BCAS3: variants seen among roughly 807,000 people sequenced by gnomAD.
BCAS3 encodes the protein BCAS4/BCAS3 fusion.
Under a neutral mutation model 116.1 loss-of-function variants are expected in BCAS3, and 53 were observed. That is an observed-to-expected ratio of 0.46 (90% CI 0.37 to 0.57). The LOEUF is 0.57. Among genes scored for constraint, BCAS3 ranks in the 20% least tolerant of loss-of-function variants. The pLI is 0.00. For synonymous variants in BCAS3, 391 were observed against 408.2 expected, an observed-to-expected ratio of 0.96 and a Z score of 0.51; for missense variants, 917 against 1,165.4, an observed-to-expected ratio of 0.79 and a Z score of 3.10.
At chr17:61,183,350 G>A (rs1371879130) in intron 22 of BCAS3, among the ~76,000 whole-genome samples, 1 of 151,916 alleles carries the variant, frequency 6.6e-6, no homozygotes, top group Non-Finnish European at 1.5e-5. Context: ...ACTCCATGTT[G>A]TCTCAAATTA....
rs1416549595 is a variant in BCAS3 at position 61,244,160 on chromosome 17, A to G, written c.2426-124167A>G. Among the ~76,000 whole-genome samples the G allele has an allele frequency of 6.6e-6, 1 of 152,218 alleles. No homozygotes were observed. Among genetic ancestry groups the G allele is most frequent in the Non-Finnish European group, 1.5e-5 (1 of 68,034 alleles). ...TTAACTCAAGTAATACATATTTATT[A>G]TTTAAAAAGCTTAAGAAAAAACAGA... On this transcript the variant is annotated intron_variant, in intron 22 of 23. Coordinates refer to ENST00000407086, the MANE Select transcript of BCAS3 (RefSeq NM_017679.5). This position sits in a 1 kb window ranked among gnomAD's most constrained non-coding sequence, Gnocchi z 4.9.
At chr17:61,247,940 T>G (rs2048100972) in intron 22 of BCAS3, among the ~76,000 whole-genome samples, 1 of 152,184 alleles carries the variant, frequency 6.6e-6, no homozygotes, top group African/African-American at 2.4e-5. Context: ...CAGCCGCACT[T>G]GTGGTTACAA....
chr17:60,908,713 G>C (rs945407108), intron 11 of BCAS3, among the ~76,000 whole-genome samples: 4 of 152,148 alleles, frequency 2.6e-5, no homozygotes, highest in Admixed American at 2.6e-4. Flanking sequence ...TGAGTTTTTA[G>C]CACTAAACAA....
At chr17:60,725,460 C>CG (rs1913224222) in intron 5 of BCAS3, among the ~76,000 whole-genome samples, 1 of 152,062 alleles carries the variant, frequency 6.6e-6, no homozygotes, top group African/African-American at 2.4e-5. Context: ...TCAAGTATTA[C>CG]GAGATACAAA....
In BCAS3 at chr17:60,993,680, T is replaced by A. The variant is rs752590902; in HGVS notation, c.1486+3445T>A. On this transcript the variant is annotated intron_variant, in intron 15 of 23. Transcript: ENST00000407086. The surrounding 1 kb of genome is among the most constrained non-coding windows in gnomAD (Gnocchi z 4.2). ...TTTGTGTGGGTAAACAGTCTGATGC[T>A]GGTCAAAAACAATGTAAACCATTGA... Among the ~76,000 whole-genome samples, 1 of 152,176 alleles carries A rather than the reference T, an allele frequency of 6.6e-6. No individual in the cohort carries two copies. Among genetic ancestry groups the A allele is most frequent in the Non-Finnish European group, 1.5e-5 (1 of 68,004 alleles).
intron 22 of BCAS3, among the ~76,000 whole-genome samples, chr17:61,146,895 C>T (rs1426177447): frequency 1.3e-5 from 2 of 151,982 alleles, no homozygotes; most frequent in Non-Finnish European, 2.9e-5. Context: ...TTTTTAATGG[C>T]AGATGTTTCC....
Position 61,339,939 on chromosome 17 carries a change from T to C in BCAS3, c.2426-28388T>C, listed in dbSNP as rs1369675013. On this transcript the variant is annotated intron_variant, in intron 22 of 23. Transcript: ENST00000407086. The surrounding 1 kb of genome is among the most constrained non-coding windows in gnomAD (Gnocchi z 4.4). ...TGACCTGCTGAAAGATGAGGCCAGA[T>C]GATAACTGAGAAATGGCTGTGGGAT... 1.3e-5 allele frequency among the ~76,000 whole-genome samples: 2 copies of C among 152,120 alleles called. No homozygotes were observed. The highest frequency in any genetic ancestry group is 2.4e-5 in the African/African-American group (1 of 41,438).
chr17:61,310,275 C>T (rs768856285), intron 22 of BCAS3, among the ~76,000 whole-genome samples: 33 of 152,172 alleles, frequency 2.2e-4, no homozygotes, highest in Non-Finnish European at 3.5e-4. Flanking sequence ...ACTCTCTGGC[C>T]AGGTACAGTG....
At chr17:60,823,345 G>A (rs2050118596) in intron 7 of BCAS3, among the ~76,000 whole-genome samples, 1 of 152,112 alleles carries the variant, frequency 6.6e-6, no homozygotes, top group Non-Finnish European at 1.5e-5. Context: ...GGGGAATGGT[G>A]CAGATACAAG....
intron 7 of BCAS3, among the ~76,000 whole-genome samples, chr17:60,827,785 C>T (rs879030234): frequency 1.3e-5 from 2 of 152,132 alleles, no homozygotes; most frequent in Admixed American, 1.3e-4. Context: ...AATAAGTCTT[C>T]CCGAGTAGCA....
chr17:60,814,306 T>TGTGTGC, intron 7 of BCAS3, among the ~76,000 whole-genome samples: 1 of 148,302 alleles, frequency 6.7e-6, no homozygotes. Context: ...TGTGTGTGTG[T>TGTGTGC]GCGCGCGTGC....
intron 22 of BCAS3, among the ~76,000 whole-genome samples, chr17:61,345,309 C>T (rs2057442618): frequency 6.6e-6 from 1 of 152,204 alleles, no homozygotes; most frequent in African/African-American, 2.4e-5. Flanking sequence ...TTGTGCTTGT[C>T]ACTCCCGCCC....
chr17:61,168,229 C>T (rs889937637), intron 22 of BCAS3, among the ~76,000 whole-genome samples: 5 of 152,032 alleles, frequency 3.3e-5, no homozygotes, highest in Non-Finnish European at 7.4e-5. Flanking sequence ...CACAATTTCC[C>T]CTCTGTTAAC....
At chr17:60,799,524 GTTTTTTTTT>G (rs869112996) in intron 6 of BCAS3, among the ~76,000 whole-genome samples, 1 of 102,382 alleles carries the variant, frequency 9.8e-6, no homozygotes, top group Admixed American at 1.1e-4. Flanking sequence ...ATTAGTGTTT[GTTTTTTTTT>G]TTTTTTTTTT....
At chr17:60,776,397 A>G (rs957112092) in intron 6 of BCAS3, among the ~76,000 whole-genome samples, 2 of 152,204 alleles carry the variant, frequency 1.3e-5, no homozygotes, top group Non-Finnish European at 2.9e-5. Flanking sequence ...AATGTAACTA[A>G]TGTCCTTCTT....
Position 60,908,674 on chromosome 17 carries a change from C to T in BCAS3, c.823-1858C>T, listed in dbSNP as rs543461295. On this transcript the variant is annotated intron_variant, in intron 11 of 23. Transcript: ENST00000407086. ...AAATGTTTGGCTGCTAATTGAGGAA[C>T]GTTGATGTGTTTTATAATCGCGGGA... is the stretch of plus-strand genomic sequence containing the variant. Among the ~76,000 whole-genome samples the T allele has an allele frequency of 2.0e-4, 30 of 152,246 alleles. No individual in the cohort carries two copies. In the South Asian group the frequency reaches 6.2e-3, roughly 32 times the overall value.
rs1320894520 is a variant in BCAS3 at position 61,332,831 on chromosome 17, G to T, written c.2426-35496G>T. ...GGGTTTCACCATGTTAGCCAGGCTG[G>T]TCTCAAACTCCTGACCTCAGGTGAT... is the stretch of plus-strand genomic sequence containing the variant. On this transcript the variant is annotated intron_variant, in intron 22 of 23. Coordinates refer to ENST00000407086, the MANE Select transcript of BCAS3 (RefSeq NM_017679.5). The surrounding 1 kb of genome is among the most constrained non-coding windows in gnomAD (Gnocchi z 5.4). Among the ~76,000 whole-genome samples the T allele has an allele frequency of 6.6e-6, 1 of 152,166 alleles. No individual in the cohort carries two copies. The highest frequency in any genetic ancestry group is 1.9e-4 in the East Asian group (1 of 5,188).
At chr17:60,701,333 A>G (rs1474464702) in intron 4 of BCAS3, among the ~76,000 whole-genome samples, 1 of 152,190 alleles carries the variant, frequency 6.6e-6, no homozygotes, top group Non-Finnish European at 1.5e-5. Flanking sequence ...ATTTTGGAAA[A>G]CATTTATTGT....
At chr17:61,357,520 C>T (rs1164984725) in intron 22 of BCAS3, among the ~76,000 whole-genome samples, 1 of 149,286 alleles carries the variant, frequency 6.7e-6, no homozygotes, top group Non-Finnish European at 1.5e-5. Context: ...TCTCGGCTCA[C>T]TGCAGCCTCT....
Sources: gnomAD v4.1 joint callset for allele counts (sites outside exome capture counted in the v4.1 genomes callset) on GRCh38, gnomAD v4.1.1 for gene constraint, Gnocchi (gnomAD v3.1) non-coding constraint, MANE v1.5 for transcripts, NCBI Gene and HGNC (gene_info 2026-07-23, HGNC 2026-07-21) for gene names.